MBD5: variants seen among roughly 807,000 people sequenced by gnomAD.
The protein encoded by MBD5 is methyl-CpG-binding domain protein 5.
A neutral mutation model predicts 117.3 loss-of-function variants in MBD5; 13 were observed. That is an observed-to-expected ratio of 0.11 (90% confidence interval 0.07 to 0.18). The LOEUF is 0.18. MBD5 is among the 10% of genes least tolerant of loss of function. The pLI, the probability that MBD5 is intolerant of heterozygous loss-of-function variation, is 1.00. For synonymous variants in MBD5, 727 were observed against 766.4 expected, an observed-to-expected ratio of 0.95 and a Z score of 0.85; for missense variants, 1,879 against 2,093.8, an observed-to-expected ratio of 0.90 and a Z score of 2.00.
intron 3 of MBD5, among the ~76,000 whole-genome samples, chr2:148,333,565 G>A (rs921843820): frequency 1.3e-5 from 2 of 150,268 alleles, no homozygotes; most frequent in African/African-American, 2.5e-5. Flanking sequence ...TTCAAGGCTG[G>A]GCACGGTGGC....
intron 3 of MBD5, among the ~76,000 whole-genome samples, chr2:148,304,358 C>A (rs1701841612): frequency 2.0e-5 from 3 of 151,874 alleles, no homozygotes; most frequent in Admixed American, 2.0e-4. Context: ...AAATTTAATC[C>A]CAGGCGTTCT....
intron 3 of MBD5, among the ~76,000 whole-genome samples, chr2:148,331,127 T>G (rs1702633629): frequency 6.6e-6 from 1 of 152,188 alleles, no homozygotes; most frequent in African/African-American, 2.4e-5. Flanking sequence ...CAATACCTGT[T>G]TTCTAGAAAT....
At chr2:148,451,477 C>T (rs1483492134) in intron 4 of MBD5, among the ~76,000 whole-genome samples, 2 of 151,864 alleles carry the variant, frequency 1.3e-5, no homozygotes, top group East Asian at 3.9e-4. Flanking sequence ...TGTGAAGGAG[C>T]TGTTTGAATA....
At chr2:148,106,353 G>C (rs1266968547) in intron 1 of MBD5, among the ~76,000 whole-genome samples, 1 of 151,574 alleles carries the variant, frequency 6.6e-6, no homozygotes, top group Non-Finnish European at 1.5e-5. Flanking sequence ...TCATATCTAG[G>C]AATGCCTTTT....
chr2:148,213,093 G>C (rs1474632168), intron 2 of MBD5, among the ~76,000 whole-genome samples: 3 of 152,156 alleles, frequency 2.0e-5, no homozygotes, highest in Non-Finnish European at 4.4e-5. Context: ...AGCAGGAACT[G>C]CCGTTTTTCT....
At chr2:148,342,635 G>A (rs578224232) in intron 4 of MBD5, among the ~76,000 whole-genome samples, 1 of 151,728 alleles carries the variant, frequency 6.6e-6, no homozygotes, top group Non-Finnish European at 1.5e-5. Flanking sequence ...TTATATATGT[G>A]TATTATGTAT....
At chr2:148,105,221 C>CTTT (rs59445751) in intron 1 of MBD5, among the ~76,000 whole-genome samples, 1 of 130,048 alleles carries the variant, frequency 7.7e-6, no homozygotes, top group Non-Finnish European at 1.7e-5. Context: ...ACGTTTCTTT[C>CTTT]TTTTTTTTTT....
chr2:148,432,618 T>TG (rs1435204003), intron 4 of MBD5, among the ~76,000 whole-genome samples: 1 of 152,168 alleles, frequency 6.6e-6, no homozygotes, highest in African/African-American at 2.4e-5. Context: ...ATTTATTGAA[T>TG]GGGGAATTCT....
intron 1 of MBD5, among the ~76,000 whole-genome samples, chr2:148,031,083 A>G (rs1694024712): frequency 6.6e-6 from 1 of 152,188 alleles, no homozygotes; most frequent in Non-Finnish European, 1.5e-5. Flanking sequence ...GATATAATAT[A>G]TGGGAATAAG....
intron 4 of MBD5, among the ~76,000 whole-genome samples, chr2:148,407,082 A>G (rs892827029): frequency 6.6e-6 from 1 of 152,220 alleles, no homozygotes; most frequent in Admixed American, 6.5e-5. Flanking sequence ...TCTGATACAT[A>G]AAGTCCAGTA....
chr2:148,328,157 G>T (rs1215576755), intron 3 of MBD5, among the ~76,000 whole-genome samples: 4 of 152,216 alleles, frequency 2.6e-5, no homozygotes. Flanking sequence ...CTGCTCGGGG[G>T]TCAGGGGTCA....
At chr2:148,311,963 G>A (rs1190594820) in intron 3 of MBD5, among the ~76,000 whole-genome samples, 2 of 152,176 alleles carry the variant, frequency 1.3e-5, no homozygotes, top group African/African-American at 4.8e-5. Flanking sequence ...CTTTAAGAAT[G>A]TCGAATATTG....
At chr2:148,052,742 C>T (rs954277415) in intron 1 of MBD5, among the ~76,000 whole-genome samples, 7 of 151,800 alleles carry the variant, frequency 4.6e-5, no homozygotes, top group Non-Finnish European at 8.8e-5. Flanking sequence ...CATTTCATTC[C>T]ATACAGTCTG....
intron 4 of MBD5, 129 bp from the exon 5 acceptor site, chr2:148,458,074 G>A (rs1037627418): frequency 1.8e-5 from 7 of 389,570 alleles, no homozygotes; most frequent in Admixed American, 8.9e-5. Context: ...TGAATTTGAC[G>A]TATGATTTTG....
chr2:148,224,946 G>T (rs982012727), intron 2 of MBD5, among the ~76,000 whole-genome samples: 1 of 151,660 alleles, frequency 6.6e-6, no homozygotes, highest in African/African-American at 2.4e-5. Flanking sequence ...TTCACTCTAT[G>T]TTTGTATTTA....
At chr2:148,356,005 G>A (rs1006202002) in intron 4 of MBD5, among the ~76,000 whole-genome samples, 10 of 152,080 alleles carry the variant, frequency 6.6e-5, no homozygotes, top group Admixed American at 6.6e-4. Context: ...TTGAGCAGTG[G>A]TTTGTAGTTC....
At chr2:148,449,941 G>A (rs908600412) in intron 4 of MBD5, among the ~76,000 whole-genome samples, 13 of 151,948 alleles carry the variant, frequency 8.6e-5, no homozygotes, top group African/African-American at 3.1e-4. Context: ...GAGAAAGTAT[G>A]TTTTTATACT....
chr2:148,462,464 C>A, intron 5 of MBD5, 118 bp from the exon 6 acceptor site: 3 of 710,026 alleles, frequency 4.2e-6, no homozygotes, highest in East Asian at 2.7e-5. Context: ...AAAGAAAATG[C>A]TTTTCCCTAG....
At chr2:148,474,156 A>G (rs543875062) in intron 8 of MBD5, among the ~76,000 whole-genome samples, 1 of 152,284 alleles carries the variant, frequency 6.6e-6, no homozygotes, top group South Asian at 2.1e-4. Context: ...GTGAGTAGCT[A>G]TAGCACATGT....
Sources: allele counts gnomAD v4.1 joint callset (sites outside exome capture counted in the v4.1 genomes callset), GRCh38; gene constraint gnomAD v4.1.1; transcripts MANE v1.5; gene names NCBI Gene and HGNC (gene_info 2026-07-23, HGNC 2026-07-21).